BFAR: variants seen among roughly 807,000 people sequenced by gnomAD.
BFAR encodes bifunctional apoptosis regulator, also known as RING finger protein 47.
Under a neutral mutation model 54.4 loss-of-function variants are expected in BFAR, and 52 were observed. The observed-to-expected ratio is 0.96, with a 90% CI of 0.77 to 1.21. The LOEUF is 1.21. Among genes scored for constraint, BFAR ranks in the 50% most tolerant of loss-of-function variants. BFAR has a pLI of 0.00. For synonymous variants in BFAR, 215 were observed against 204.3 expected, an observed-to-expected ratio of 1.05 and a Z score of -0.45; for missense variants, 571 against 534.0, an observed-to-expected ratio of 1.07 and a Z score of -0.68.
chr16:14,668,029 G>A lies in BFAR; in HGVS notation c.*202G>A. ...GCAAGGACTGACATCCGCACAGGGA[G>A]GATTGTCTGTTTGGCTGACACAGCA... is the stretch of plus-strand genomic sequence containing the variant. On this transcript the variant is annotated 3_prime_UTR_variant, in exon 8 of 8. Transcript: ENST00000261658. The A allele has an allele frequency of 1.7e-6, 1 of 581,168 alleles. No homozygotes were observed. The highest frequency in any genetic ancestry group is 3.0e-6 in the Non-Finnish European group (1 of 333,036). The allele number at this position is 581,168 out of a possible 1,614,324, so 36.0% of individuals were successfully genotyped here.
chr16:14,661,343 C>T (rs185588096), intron 5 of BFAR, among the ~76,000 whole-genome samples: 4 of 144,806 alleles, frequency 2.8e-5, no homozygotes, highest in Admixed American at 2.1e-4. Context: ...AAGCAGGGTG[C>T]AAGAGTATGC....
At chr16:14,665,281 T>G in intron 7 of BFAR, 1 of 588,716 alleles carries the variant, frequency 1.7e-6, no homozygotes, top group East Asian at 2.8e-5. Flanking sequence ...TTAAAAGTAT[T>G]TTCCTATATG....
intron 1 of BFAR, among the ~76,000 whole-genome samples, chr16:14,636,356 G>A: frequency 6.6e-6 from 1 of 152,234 alleles, no homozygotes. Context: ...GGATGTGGCA[G>A]GGTCAGGATA....
chr16:14,646,210 C>T (rs886654451), intron 2 of BFAR, among the ~76,000 whole-genome samples: 4 of 152,010 alleles, frequency 2.6e-5, no homozygotes, highest in Non-Finnish European at 5.9e-5. Flanking sequence ...ACTGCCACCA[C>T]GCCCGGCTAA....
At position 14,655,108 on chromosome 16, in the gene BFAR, C is replaced by T. The variant is rs755932603; in HGVS notation, c.681C>T (p.Pro227=). ...CAGAGGAAGAATTTTCCAAGACGCC[C>T]TATACCATAGAAAACAGCAGCCACA... ...TLTEEEFSKT[P]YTIENSSHRR... is the part of the protein sequence containing the mutation. Residue 227 remains proline (P), a synonymous_variant, in exon 5 of 8, where the codon CCC becomes CCT. Transcript: ENST00000261658. 2 of 1,612,170 alleles carry T rather than the reference C, an allele frequency of 1.2e-6. No homozygotes were observed. The highest frequency in any genetic ancestry group is 1.7e-6 in the Non-Finnish European group (2 of 1,179,182).
chr16:14,637,557 G>A (rs991041017), intron 1 of BFAR, among the ~76,000 whole-genome samples: 3 of 152,134 alleles, frequency 2.0e-5, no homozygotes, highest in African/African-American at 7.2e-5. Flanking sequence ...AATTGTCGCG[G>A]GGTGCAATGG....
At chr16:14,663,401 G>T (rs1960348288) in intron 6 of BFAR, among the ~76,000 whole-genome samples, 1 of 151,530 alleles carries the variant, frequency 6.6e-6, no homozygotes, top group African/African-American at 2.4e-5. Context: ...GCGCAATCTT[G>T]GCTCACTGCA....
At chr16:14,641,550 CAAAAAAAAA>C (rs530864447) in intron 1 of BFAR, among the ~76,000 whole-genome samples, 3 of 102,486 alleles carry the variant, frequency 2.9e-5, no homozygotes, top group African/African-American at 1.3e-4. Context: ...GACTCCATCT[CAAAAAAAAA>C]AAAAAAAAGT....
chr16:14,652,132 C>T (rs962543286), intron 4 of BFAR, among the ~76,000 whole-genome samples: 3 of 151,706 alleles, frequency 2.0e-5, no homozygotes, highest in South Asian at 2.1e-4. Context: ...GGTGATCCAC[C>T]GCCTTGGCCT....
chr16:14,637,299 G>A (rs756550780), intron 1 of BFAR, among the ~76,000 whole-genome samples: 2 of 151,970 alleles, frequency 1.3e-5, no homozygotes, highest in East Asian at 1.9e-4. Context: ...ACTAATAACC[G>A]TTATTGATTA....
At chr16:14,646,797 C>A (rs964547041) in intron 2 of BFAR, among the ~76,000 whole-genome samples, 119 of 152,254 alleles carry the variant, frequency 7.8e-4, no homozygotes, top group African/African-American at 2.6e-3. Context: ...CGCGCCCAGC[C>A]TCTTTTTAAA....
chr16:14,661,832 C>A, intron 5 of BFAR, 60 bp from the exon 6 acceptor site: 1 of 1,566,626 alleles, frequency 6.4e-7, no homozygotes, highest in Non-Finnish European at 8.8e-7. Context: ...TGGGAAGGAG[C>A]GTGGGTGGGT....
chr16:14,666,374 C>A (rs558635312), intron 7 of BFAR, among the ~76,000 whole-genome samples: 1 of 152,288 alleles, frequency 6.6e-6, no homozygotes, highest in Admixed American at 6.5e-5. Flanking sequence ...AGTTCGAGAC[C>A]AGCCTGGCCA....
chr16:14,659,612 G>A (rs1264734720), intron 5 of BFAR, among the ~76,000 whole-genome samples: 5 of 148,936 alleles, frequency 3.4e-5, no homozygotes, highest in East Asian at 4.0e-4. Flanking sequence ...GTGCAGTGGC[G>A]CAATCTCCAC....
In BFAR at chr16:14,648,046, C is replaced by G. The variant is rs528103000; in HGVS notation, c.264-342C>G. On this transcript the variant is annotated intron_variant, in intron 2 of 7. Transcript: ENST00000261658. ...CCTGAGCTCAGGAGTTCAATACCAG[C>G]CTGGGCAACATAGTGAAACCCTATC... is the stretch of plus-strand genomic sequence containing the variant. 8.5e-5 allele frequency among the ~76,000 whole-genome samples: 13 copies of G among 152,148 alleles called. No individual in the cohort carries two copies. The South Asian group carries it at 1.7e-3, about 19-fold the overall frequency.
chr16:14,662,781 C>T (rs1245799540), intron 6 of BFAR, among the ~76,000 whole-genome samples: 4 of 152,130 alleles, frequency 2.6e-5, no homozygotes, highest in Non-Finnish European at 4.4e-5. Context: ...GGAAGAGCTG[C>T]AGACAAAACC....
chr16:14,663,042 A>T (rs1018207268), intron 6 of BFAR, among the ~76,000 whole-genome samples: 1 of 152,158 alleles, frequency 6.6e-6, no homozygotes, highest in Non-Finnish European at 1.5e-5. Context: ...TTTTCCATAC[A>T]ATGTCTGGAA....
rs932988406 is a variant in BFAR, at chr16:14,668,511, G to A, written c.*684G>A. ...CCCTTTCTCTGAATGGAGAGATTGA[G>A]AGGGATGTCGGGCAGTTCCCATTAG... On this transcript the variant is annotated 3_prime_UTR_variant, in exon 8 of 8. Transcript: ENST00000261658. 3.3e-5 allele frequency: 5 copies of A among 152,554 alleles called. No homozygotes were observed. Among genetic ancestry groups the A allele is most frequent in the African/African-American group, 1.2e-4 (5 of 41,442 alleles). The allele number at this position is 152,554 out of a possible 1,614,324, so 9.5% of individuals were successfully genotyped here.
chr16:14,663,402 G>T (rs972380514), intron 6 of BFAR, among the ~76,000 whole-genome samples: 4 of 151,946 alleles, frequency 2.6e-5, no homozygotes, highest in African/African-American at 9.7e-5. Context: ...CGCAATCTTG[G>T]CTCACTGCAA....
Sources: allele counts gnomAD v4.1 joint callset (sites outside exome capture counted in the v4.1 genomes callset), GRCh38; gene constraint gnomAD v4.1.1; transcripts MANE v1.5; gene names NCBI Gene and HGNC (gene_info 2026-07-23, HGNC 2026-07-21).